Variants in COP1 observed in about 807,000 individuals in gnomAD.
The protein encoded by COP1 is COP1 E3 ubiquitin ligase, also known as E3 ubiquitin-protein ligase COP1.
A neutral mutation model predicts 101.3 loss-of-function variants in COP1; 24 were observed. The observed-to-expected ratio is 0.24, with a 90% CI of 0.17 to 0.33. The LOEUF is 0.33. COP1 is among the 10% of genes least tolerant of loss of function. COP1 has a pLI of 1.00. For missense variants in COP1, 663 were observed against 906.2 expected (o/e 0.73, Z 3.45); for synonymous variants, 347 against 341.9 (o/e 1.01, Z -0.17).
intron 15 of COP1, among the ~76,000 whole-genome samples, chr1:176,023,718 C>CAAA (rs759455090): frequency 6.6e-5 from 8 of 122,050 alleles, no homozygotes; most frequent in Non-Finnish European, 8.2e-5. Context: ...AACTCCATCT[C>CAAA]AAAAAAAAAA....
In COP1 at chr1:176,164,467, G is replaced by A. The variant is rs565722663; in HGVS notation, c.566-576C>T. Among the ~76,000 whole-genome samples, 5 of 152,232 alleles carry A rather than the reference G, an allele frequency of 3.3e-5. No individual in the cohort carries two copies. In the South Asian group the frequency reaches 1.0e-3, roughly 32 times the overall value. ...ACTTTGACTAACCTAAGGCAATCTA[G>A]TCATTCATGCCCTTGCCAGTGGTTG... is the stretch of plus-strand genomic sequence containing the variant. On this transcript the variant is annotated intron_variant, in intron 3 of 19. Transcript: ENST00000367669.
rs542515973 is a variant in COP1, at chr1:175,978,533, C to G, written c.2133+8410G>C. On this transcript the variant is annotated intron_variant, in intron 18 of 19. Coordinates refer to ENST00000367669, the MANE Select transcript of COP1 (RefSeq NM_022457.7). ...TTTCTACCACCTTCTTATTTCCTTC[C>G]TTTTCTACTTCCCCACCCCACTCTA... Among the ~76,000 whole-genome samples, 6 of 152,186 alleles carry G rather than the reference C, an allele frequency of 3.9e-5. No individual in the cohort carries two copies. In the South Asian group the frequency reaches 1.0e-3, roughly 26 times the overall value.
chr1:176,023,516 T>TGA (rs1667135148), intron 15 of COP1, among the ~76,000 whole-genome samples: 1 of 151,068 alleles, frequency 6.6e-6, no homozygotes, highest in Non-Finnish European at 1.5e-5. Context: ...GTCAGGAGTT[T>TGA]GAGACCAGCC....
At chr1:176,173,637 C>CAAAAA (rs776004659) in intron 3 of COP1, among the ~76,000 whole-genome samples, 71 of 120,460 alleles carry the variant, frequency 5.9e-4, no homozygotes, top group African/African-American at 2.0e-3. Context: ...GGCGCTGTCT[C>CAAAAA]AAAAAAAAAA....
intron 15 of COP1, 99 bp from the exon 16 acceptor site, chr1:175,989,578 A>G: frequency 1.5e-6 from 1 of 658,042 alleles, no homozygotes; most frequent in South Asian, 1.8e-5. Context: ...AGTTTCACAT[A>G]TGATGTCTAA....
At chr1:176,142,727 A>C (rs888394605) in intron 6 of COP1, among the ~76,000 whole-genome samples, 42 of 152,188 alleles carry the variant, frequency 2.8e-4, no homozygotes, top group Admixed American at 9.8e-4. Flanking sequence ...CAAAAAAAAA[A>C]CAAAATCTCA....
chr1:176,120,799 G>C (rs374430179), intron 8 of COP1, among the ~76,000 whole-genome samples: 1 of 152,114 alleles, frequency 6.6e-6, no homozygotes, highest in African/African-American at 2.4e-5. Flanking sequence ...TTCACTCTTG[G>C]AAAGATAATA....
At chr1:176,088,636 C>T (rs1471183256) in intron 9 of COP1, among the ~76,000 whole-genome samples, 2 of 152,048 alleles carry the variant, frequency 1.3e-5, no homozygotes, top group African/African-American at 4.8e-5. Flanking sequence ...AAATGAATTG[C>T]TTTTTCATTA....
chr1:176,173,339 A>C (rs1204799724), intron 3 of COP1, among the ~76,000 whole-genome samples: 1 of 134,552 alleles, frequency 7.4e-6, no homozygotes, highest in Non-Finnish European at 1.5e-5. Context: ...AAAAAAAAAA[A>C]AAAAACCAGT....
intron 11 of COP1, among the ~76,000 whole-genome samples, chr1:176,060,771 T>C (rs966015220): frequency 6.6e-6 from 1 of 152,190 alleles, no homozygotes. Context: ...TATTTCATCA[T>C]GTATATTTAA....
chr1:176,171,215 C>T (rs1379802513), intron 3 of COP1, among the ~76,000 whole-genome samples: 1 of 151,206 alleles, frequency 6.6e-6, no homozygotes, highest in African/African-American at 2.4e-5. Context: ...TGATTTTTAC[C>T]TAGATCTTCT....
At chr1:176,112,243 ATTGT>A (rs1001387237) in intron 9 of COP1, among the ~76,000 whole-genome samples, 3 of 151,046 alleles carry the variant, frequency 2.0e-5, no homozygotes, top group Non-Finnish European at 4.4e-5. Context: ...AAAAATTCTG[ATTGT>A]TTTTCTTTTT....
intron 18 of COP1, among the ~76,000 whole-genome samples, chr1:175,972,322 A>G (rs1385658783): frequency 6.6e-6 from 1 of 152,224 alleles, no homozygotes; most frequent in Non-Finnish European, 1.5e-5. Flanking sequence ...TATTGAACTC[A>G]GAGGGAAAAC....
intron 9 of COP1, among the ~76,000 whole-genome samples, chr1:176,104,984 A>G (rs1195315424): frequency 1.3e-5 from 2 of 152,210 alleles, no homozygotes; most frequent in African/African-American, 4.8e-5. Context: ...ACTTCTATGA[A>G]CTTCCATAGA....
chr1:176,186,077 A>G (rs1464719198), intron 1 of COP1, among the ~76,000 whole-genome samples: 3 of 152,148 alleles, frequency 2.0e-5, no homozygotes, highest in Non-Finnish European at 4.4e-5. Context: ...CACCAGCTAC[A>G]AAGGGACCCA....
At chr1:175,991,281 T>C (rs1658369309) in intron 15 of COP1, among the ~76,000 whole-genome samples, 1 of 152,168 alleles carries the variant, frequency 6.6e-6, no homozygotes. Flanking sequence ...GCTACAAACC[T>C]ATGTATCATG....
chr1:175,984,376 C>A (rs1263263755), intron 18 of COP1, among the ~76,000 whole-genome samples: 2 of 152,170 alleles, frequency 1.3e-5, no homozygotes, highest in African/African-American at 4.8e-5. Flanking sequence ...GTTGAGCCTG[C>A]GTGTGCACAG....
At chr1:175,965,195 G>A (rs976884839) in intron 18 of COP1, among the ~76,000 whole-genome samples, 3 of 152,084 alleles carry the variant, frequency 2.0e-5, no homozygotes, top group Non-Finnish European at 4.4e-5. Context: ...CATGGACTCT[G>A]TGTATAGTCA....
intron 5 of COP1, among the ~76,000 whole-genome samples, chr1:176,151,741 T>C (rs1383300063): frequency 6.6e-6 from 1 of 152,196 alleles, no homozygotes; most frequent in Non-Finnish European, 1.5e-5. Context: ...TTAGTATCCT[T>C]CGGTTATATG....
Sources: gnomAD v4.1 joint callset for allele counts (sites outside exome capture counted in the v4.1 genomes callset) on GRCh38, gnomAD v4.1.1 for gene constraint, MANE v1.5 for transcripts, NCBI Gene and HGNC (gene_info 2026-07-23, HGNC 2026-07-21) for gene names.